The following PCLO variants were observed in gnomAD, a reference collection of about 807,000 sequenced individuals.
PCLO encodes the protein piccolo presynaptic cytomatrix protein, also known as protein piccolo.
In PCLO, 82 loss-of-function variants were observed where a neutral mutation model predicts 427.5. That is an observed-to-expected ratio of 0.19 (90% CI 0.16 to 0.23). The LOEUF is 0.23. PCLO is among the 10% of genes least tolerant of loss of function. The pLI, the probability that PCLO is intolerant of heterozygous loss-of-function variation, is 1.00. For synonymous variants in PCLO, 2,357 were observed against 2,155.4 expected (o/e 1.09, Z -2.59); for missense variants, 6,239 against 6,115.9 (o/e 1.02, Z -0.67).
intron 7 of PCLO, among the ~76,000 whole-genome samples, chr7:82,913,894 G>T (rs777719235): frequency 6.6e-6 from 1 of 151,890 alleles, no homozygotes; most frequent in Non-Finnish European, 1.5e-5. Flanking sequence ...GAAACCAAAG[G>T]AAAAGGCTAA....
intron 3 of PCLO, among the ~76,000 whole-genome samples, chr7:83,030,204 T>C (rs148504657): frequency 5.6e-4 from 85 of 151,174 alleles, no homozygotes; most frequent in Non-Finnish European, 4.0e-4. Flanking sequence ...TTTAAAACTC[T>C]AATAAAATTT....
chr7:83,124,053 AAT>A (rs1791358860), intron 3 of PCLO, among the ~76,000 whole-genome samples: 1 of 151,004 alleles, frequency 6.6e-6, no homozygotes, highest in African/African-American at 2.4e-5. Flanking sequence ...TCACACCTGT[AAT>A]CTCAGTACTT....
At chr7:82,793,834 G>T (rs1242556796) in intron 22 of PCLO, among the ~76,000 whole-genome samples, 2 of 152,166 alleles carry the variant, frequency 1.3e-5, no homozygotes, top group African/African-American at 4.8e-5. Context: ...AGTATTGTGT[G>T]TGGGGTCAGG....
chr7:83,063,423 A>G (rs1037159442), intron 3 of PCLO, among the ~76,000 whole-genome samples: 7 of 152,112 alleles, frequency 4.6e-5, no homozygotes, highest in African/African-American at 1.7e-4. Flanking sequence ...TATGCATTCA[A>G]TAGAAGCCAT....
At chr7:82,781,334 A>C (rs1451959141) in intron 22 of PCLO, among the ~76,000 whole-genome samples, 3 of 151,264 alleles carry the variant, frequency 2.0e-5, no homozygotes, top group African/African-American at 7.3e-5. Flanking sequence ...CCAGCCCCCC[A>C]AAAAAACCCA....
At chr7:82,934,063 A>G (rs1794897564) in intron 6 of PCLO, among the ~76,000 whole-genome samples, 1 of 151,968 alleles carries the variant, frequency 6.6e-6, no homozygotes, top group African/African-American at 2.4e-5. Flanking sequence ...TTGTCTTTGC[A>G]TATGATGTAA....
chr7:83,123,971 A>T (rs1167862490), intron 3 of PCLO, among the ~76,000 whole-genome samples: 1 of 149,420 alleles, frequency 6.7e-6, no homozygotes, highest in African/African-American at 2.5e-5. Flanking sequence ...AAAAAAAAAA[A>T]AAAAAAAAAG....
chr7:83,097,796 G>A (rs1372082624), intron 3 of PCLO, among the ~76,000 whole-genome samples: 1 of 151,576 alleles, frequency 6.6e-6, no homozygotes, highest in Non-Finnish European at 1.5e-5. Context: ...AACCACAAAA[G>A]TCCGTGAGCA....
intron 2 of PCLO, among the ~76,000 whole-genome samples, chr7:83,146,030 T>C (rs1010725508): frequency 6.6e-5 from 10 of 152,200 alleles, no homozygotes; most frequent in Non-Finnish European, 1.0e-4. Flanking sequence ...AAAATGTAGA[T>C]ACCACCTCAT....
chr7:83,091,882 C>T (rs1790387032), intron 3 of PCLO, among the ~76,000 whole-genome samples: 1 of 152,062 alleles, frequency 6.6e-6, no homozygotes, highest in South Asian at 2.1e-4. Context: ...TAAAATAAAT[C>T]TCAAAAAATC....
At chr7:82,842,742 C>T (rs2115789118) in intron 13 of PCLO, among the ~76,000 whole-genome samples, 1 of 151,924 alleles carries the variant, frequency 6.6e-6, no homozygotes, top group East Asian at 1.9e-4. Flanking sequence ...TAAAAATGGG[C>T]AGAGATTTGG....
intron 17 of PCLO, among the ~76,000 whole-genome samples, chr7:82,827,418 C>A (rs1030006333): frequency 6.6e-6 from 1 of 151,990 alleles, no homozygotes; most frequent in East Asian, 1.9e-4. Context: ...ATGCCAGATT[C>A]TTAGGAGGCC....
At chr7:83,047,239 A>C (rs1789125158) in intron 3 of PCLO, among the ~76,000 whole-genome samples, 2 of 152,018 alleles carry the variant, frequency 1.3e-5, no homozygotes, top group African/African-American at 4.8e-5. Context: ...TATTTTTAGC[A>C]TCAAAGTACT....
intron 3 of PCLO, among the ~76,000 whole-genome samples, chr7:83,108,564 A>G (rs1449373515): frequency 6.6e-6 from 1 of 152,056 alleles, no homozygotes; most frequent in African/African-American, 2.4e-5. Flanking sequence ...AATATTTTCT[A>G]AATACTCAAT....
At chr7:82,786,308 A>G (rs2129468270) in intron 22 of PCLO, among the ~76,000 whole-genome samples, 1 of 149,826 alleles carries the variant, frequency 6.7e-6, no homozygotes, top group Non-Finnish European at 1.5e-5. Context: ...TAAGAGCCAT[A>G]GTATTTTCTT....
At chr7:83,040,422 C>G (rs1163117221) in intron 3 of PCLO, among the ~76,000 whole-genome samples, 1 of 152,174 alleles carries the variant, frequency 6.6e-6, no homozygotes, top group Non-Finnish European at 1.5e-5. Flanking sequence ...AACTCCACTA[C>G]TTGCAGCGGA....
chr7:82,932,093 C>G (rs1009271595), intron 6 of PCLO, among the ~76,000 whole-genome samples: 5 of 152,066 alleles, frequency 3.3e-5, no homozygotes, highest in Non-Finnish European at 1.5e-5. Context: ...CAGCAATTAT[C>G]AGGGATTTGA....
In PCLO at chr7:82,830,332, CT is replaced by C. The variant is rs1477994090; in HGVS notation, c.14250-2367del. Among the ~76,000 whole-genome samples, 6 of 151,668 alleles carry C rather than the reference CT, an allele frequency of 4.0e-5. No individual in the cohort carries two copies. In the East Asian group the frequency reaches 5.8e-4, roughly 15 times the overall value. Reference sequence around the variant, plus strand: ...GTTCCTTTAAATTTAGTTTTGGATTCTTTTTTTGATGGTGACTTAGAACTAA... The same window carrying C: ...GTTCCTTTAAATTTAGTTTTGGATTCTTTTTTGATGGTGACTTAGAACTAA... On this transcript the variant is annotated intron_variant, in intron 16 of 24. Transcript: ENST00000333891.
At chr7:82,828,847 T>C (rs1792017619) in intron 16 of PCLO, among the ~76,000 whole-genome samples, 1 of 152,130 alleles carries the variant, frequency 6.6e-6, no homozygotes, top group Non-Finnish European at 1.5e-5. Flanking sequence ...TGCCCAAGCT[T>C]ATGTCTCACG....
Sources: allele counts gnomAD v4.1 joint callset (sites outside exome capture counted in the v4.1 genomes callset), GRCh38; gene constraint gnomAD v4.1.1; transcripts MANE v1.5; gene names NCBI Gene and HGNC (gene_info 2026-07-23, HGNC 2026-07-21).